FAM184A: variants seen among roughly 807,000 people sequenced by gnomAD.
FAM184A encodes the protein protein FAM184A.
FAM184A carries 99 observed loss-of-function variants against 143.8 expected under a neutral mutation model. The ratio of observed to expected loss-of-function variants is 0.69; its 90% CI spans 0.58 to 0.81. FAM184A has a LOEUF of 0.81. Ranked by LOEUF, FAM184A falls within the 40% of genes least tolerant of loss-of-function variation. FAM184A has a pLI of 0.00. For synonymous variants in FAM184A, 427 were observed against 446.4 expected, an observed-to-expected ratio of 0.96 and a Z score of 0.55; for missense variants, 1,217 against 1,310.5, an observed-to-expected ratio of 0.93 and a Z score of 1.10.
intron 1 of FAM184A, among the ~76,000 whole-genome samples, chr6:119,141,011 G>A (rs1772215197): frequency 6.6e-6 from 1 of 152,184 alleles, no homozygotes; most frequent in Non-Finnish European, 1.5e-5. Flanking sequence ...GGGATATGTG[G>A]AAGCCAAGGC....
chr6:119,002,620 C>T (rs1055595317), intron 9 of FAM184A, among the ~76,000 whole-genome samples: 2 of 152,022 alleles, frequency 1.3e-5, no homozygotes, highest in African/African-American at 4.8e-5. Context: ...ACATAGGTAA[C>T]TTTCCCATTT....
Position 119,146,339 on chromosome 6 carries a change from C to G in FAM184A, c.-202+2739G>C, listed in dbSNP as rs561480284. On this transcript the variant is annotated intron_variant, in intron 1 of 16. Transcript: ENST00000352896. ...CACATGTTCACACAGAACAAGACTG[C>G]TAGAAATGAGAAAAATTATATACCA... is the stretch of plus-strand genomic sequence containing the variant. 2.6e-4 allele frequency among the ~76,000 whole-genome samples: 40 copies of G among 151,030 alleles called. No homozygotes were observed. The South Asian group carries it at 7.5e-3, about 28-fold the overall frequency.
At chr6:119,033,678 A>AT (rs1562482287) in intron 1 of FAM184A, among the ~76,000 whole-genome samples, 2 of 136,038 alleles carry the variant, frequency 1.5e-5, no homozygotes, top group Non-Finnish European at 3.1e-5. Flanking sequence ...AAAAAAAAAA[A>AT]GAAAGAAAGA....
At chr6:119,147,934 CT>C (rs1772507582) in intron 1 of FAM184A, among the ~76,000 whole-genome samples, 1 of 152,238 alleles carries the variant, frequency 6.6e-6, no homozygotes, top group African/African-American at 2.4e-5. Flanking sequence ...TTTCCCAGTG[CT>C]TTGCCTGTGA....
intron 1 of FAM184A, among the ~76,000 whole-genome samples, chr6:119,141,655 T>C (rs1562166789): frequency 1.3e-5 from 2 of 152,056 alleles, no homozygotes; most frequent in African/African-American, 2.4e-5. Context: ...TTTTGTATTT[T>C]TAGTAGAGAT....
chr6:119,025,034 T>C (rs761629057), intron 1 of FAM184A, among the ~76,000 whole-genome samples: 1 of 152,230 alleles, frequency 6.6e-6, no homozygotes, highest in Non-Finnish European at 1.5e-5. Flanking sequence ...ATTTAAAGAC[T>C]TTTTAGTTAT....
intron 1 of FAM184A, among the ~76,000 whole-genome samples, chr6:119,144,171 C>CAAA (rs55990833): frequency 0.063 from 9,025 of 144,224 alleles, 844 homozygotes; most frequent in African/African-American, 0.21. Flanking sequence ...ACTAAAAATA[C>CAAA]AAAAAAAAAA....
rs141828349 is a variant in FAM184A, at chr6:119,025,030, A to C, written c.160-217T>G. On this transcript the variant is annotated intron_variant, in intron 1 of 17. Transcript: ENST00000338891. Reference sequence around the variant, plus strand: ...GCACAGTCTTAAGATTTGTATTTAAAGACTTTTTAGTTATAATTTTAAAAC... The same window carrying C: ...GCACAGTCTTAAGATTTGTATTTAACGACTTTTTAGTTATAATTTTAAAAC... Among the ~76,000 whole-genome samples, 352 of 152,354 alleles carry C rather than the reference A, an allele frequency of 2.3e-3. 2 individuals carry two copies. The highest frequency in any genetic ancestry group is 8.1e-3 in the African/African-American group (338 of 41,588).
chr6:119,025,116 A>G (rs577475253), intron 1 of FAM184A, among the ~76,000 whole-genome samples: 7 of 152,314 alleles, frequency 4.6e-5, no homozygotes, highest in Non-Finnish European at 1.0e-4. Context: ...TGGACAAAGG[A>G]GGCAATTGGC....
chr6:119,147,782 C>T (rs1399378340), intron 1 of FAM184A, among the ~76,000 whole-genome samples: 3 of 152,170 alleles, frequency 2.0e-5, no homozygotes, highest in African/African-American at 7.2e-5. Flanking sequence ...TTAGGAACAA[C>T]CAGAGAAAGC....
chr6:119,128,886 AG>A (rs929771083), intron 1 of FAM184A, among the ~76,000 whole-genome samples: 3 of 47,440 alleles, frequency 6.3e-5, no homozygotes, highest in African/African-American at 2.4e-4. Context: ...TTCCCTTACT[AG>A]TTTTTTTTTT....
At chr6:119,129,810 A>G (rs1789485812) in intron 1 of FAM184A, among the ~76,000 whole-genome samples, 2 of 152,158 alleles carry the variant, frequency 1.3e-5, no homozygotes, top group Non-Finnish European at 2.9e-5. Context: ...GCAACATTGA[A>G]CAGAAGGGGA....
In FAM184A at chr6:119,002,920, T is replaced by G; in HGVS notation, c.2067A>C (p.Lys689Asn). The change falls in exon 9 of 18, where the codon AAA (lysine) becomes AAC (asparagine). Residue 689 changes from lysine (K) to asparagine (N), a missense_variant. Transcript: ENST00000338891. ...TTACCTGGTTTAAGAGATCTTCTAC[T>G]TTCTTCTGCCATGAATCTCTTGCTG... Reference protein sequence around the residue: ...KNAARDSWQKKVEDLLNQISL... With the variant: ...KNAARDSWQKNVEDLLNQISL... 1 of 1,611,396 alleles carries G rather than the reference T, an allele frequency of 6.2e-7. No individual in the cohort carries two copies. The highest frequency in any genetic ancestry group is 8.5e-7 in the Non-Finnish European group (1 of 1,179,228).
Position 119,036,216 on chromosome 6 carries a change from C to CTT in FAM184A, c.160-11405_160-11404dup, listed in dbSNP as rs5879480. On this transcript the variant is annotated intron_variant, in intron 1 of 17. Transcript: ENST00000338891. ...TCTTTTTTTCCCCTCGGTCCAGTGT[C>CTT]TTTTTTTTTTTAACTAGAAAGGAAA... is the stretch of plus-strand genomic sequence containing the variant. 4.3e-3 allele frequency among the ~76,000 whole-genome samples: 643 copies of CTT among 149,380 alleles called. 3 individuals are homozygous for CTT. Among genetic ancestry groups the CTT allele is most frequent in the African/African-American group, 0.014 (575 of 40,910 alleles).
chr6:119,095,119 A>G (rs73533310), intron 1 of FAM184A, among the ~76,000 whole-genome samples: 6,810 of 152,262 alleles, frequency 0.045, 193 homozygotes, highest in African/African-American at 0.066. Flanking sequence ...GGCTGAGTGG[A>G]TGTAGAGCAT....
intron 1 of FAM184A, among the ~76,000 whole-genome samples, chr6:119,139,463 A>G (rs1018342026): frequency 1.3e-5 from 2 of 152,174 alleles, no homozygotes; most frequent in Non-Finnish European, 2.9e-5. Context: ...TTTCCTACCT[A>G]CAGGGATACT....
chr6:118,964,614 T>C, intron 16 of FAM184A, 53 bp downstream of exon 16: 1 of 1,051,376 alleles, frequency 9.5e-7, no homozygotes. Context: ...TTCACCAAAT[T>C]TTTAACCAAC....
chr6:119,098,040 C>T (rs921740047), intron 1 of FAM184A, among the ~76,000 whole-genome samples: 2 of 152,118 alleles, frequency 1.3e-5, no homozygotes, highest in African/African-American at 2.4e-5. Flanking sequence ...GTCCACACCC[C>T]AGTCTCATCT....
chr6:119,137,310 TAGAG>T (rs752148480), intron 1 of FAM184A, among the ~76,000 whole-genome samples: 11 of 127,252 alleles, frequency 8.6e-5, no homozygotes, highest in African/African-American at 2.2e-4. Flanking sequence ...GCACGCCAGA[TAGAG>T]AGAGACAGAG....
Sources: allele counts gnomAD v4.1 joint callset (sites outside exome capture counted in the v4.1 genomes callset), GRCh38; gene constraint gnomAD v4.1.1; transcripts MANE v1.5; gene names NCBI Gene and HGNC (gene_info 2026-07-23, HGNC 2026-07-21).